Variants in HYDIN observed in about 807,000 individuals in gnomAD.
HYDIN encodes axonemal central pair apparatus protein HYDIN.
In HYDIN, 132 loss-of-function variants were observed where a neutral mutation model predicts 403.9. The ratio of observed to expected loss-of-function variants is 0.33; its 90% confidence interval spans 0.28 to 0.38. The LOEUF is 0.38. Ranked by LOEUF, HYDIN falls within the 10% of genes least tolerant of loss-of-function variation. The probability of loss-of-function intolerance (pLI) is 1.00; values close to 1 mark genes in which losing one functional copy is unlikely to be tolerated. For missense variants in HYDIN, 2,827 were observed against 5,009.5 expected, an observed-to-expected ratio of 0.56 and a Z score of 13.15; for synonymous variants, 1,202 against 1,891.7, an observed-to-expected ratio of 0.64 and a Z score of 9.46.
At chr16:70,917,368 T>C (rs1045854265) in intron 47 of HYDIN, among the ~76,000 whole-genome samples, 1 of 152,278 alleles carries the variant, frequency 6.6e-6, no homozygotes, top group Non-Finnish European at 1.5e-5. Context: ...CCTTGTAAAC[T>C]GAGGTTTGGG....
At chr16:71,229,621 G>T (rs2041191441) in intron 1 of HYDIN, among the ~76,000 whole-genome samples, 2 of 152,140 alleles carry the variant, frequency 1.3e-5, no homozygotes, top group African/African-American at 4.8e-5. Flanking sequence ...AAAGCAATAT[G>T]CTAAGTATAA....
intron 1 of HYDIN, among the ~76,000 whole-genome samples, chr16:71,223,898 C>G (rs1270187966): frequency 2.0e-5 from 3 of 152,048 alleles, no homozygotes; most frequent in African/African-American, 7.2e-5. Flanking sequence ...TTAGTACAAC[C>G]ACTAAAAGTA....
chr16:70,843,022 A>T (rs1010836391), intron 75 of HYDIN, among the ~76,000 whole-genome samples: 1 of 151,400 alleles, frequency 6.6e-6, no homozygotes, highest in Non-Finnish European at 1.5e-5. Context: ...TTTTTACATA[A>T]ATTTATTTAT....
intron 47 of HYDIN, among the ~76,000 whole-genome samples, chr16:70,910,659 T>A (rs1005623566): frequency 1.5e-5 from 2 of 136,208 alleles, no homozygotes; most frequent in Non-Finnish European, 3.1e-5. Context: ...CTTTAAGGAA[T>A]GTCCACATTG....
At chr16:70,820,003 G>C (rs1366341849) in intron 83 of HYDIN, among the ~76,000 whole-genome samples, 2 of 122,890 alleles carry the variant, frequency 1.6e-5, no homozygotes, top group African/African-American at 6.4e-5. Context: ...TGTATTTTTA[G>C]TAGAGACGGG....
chr16:71,106,351 C>T (rs2083615815), intron 10 of HYDIN, among the ~76,000 whole-genome samples: 2 of 148,596 alleles, frequency 1.3e-5, no homozygotes, highest in Non-Finnish European at 2.9e-5. Context: ...ACAAATACTT[C>T]AAGGGTCACT....
intron 70 of HYDIN, 46 bp downstream of exon 70, chr16:70,860,643 T>G: frequency 2.0e-6 from 1 of 498,744 alleles, no homozygotes; most frequent in Non-Finnish European, 3.4e-6. Flanking sequence ...TTTAGAGTTC[T>G]TTAGGACCGA....
intron 1 of HYDIN, among the ~76,000 whole-genome samples, chr16:71,190,831 C>A (rs1012817119): frequency 2.6e-5 from 4 of 152,162 alleles, no homozygotes; most frequent in African/African-American, 7.2e-5. Context: ...AAGCCTCCGA[C>A]CTACCAGCCC....
chr16:70,817,760 G>T (rs2035935652), intron 84 of HYDIN, among the ~76,000 whole-genome samples: 1 of 151,660 alleles, frequency 6.6e-6, no homozygotes, highest in Non-Finnish European at 1.5e-5. Context: ...ATATTATTTT[G>T]AGATAGAGTC....
intron 1 of HYDIN, among the ~76,000 whole-genome samples, chr16:71,222,072 T>C (rs2040830966): frequency 6.6e-6 from 1 of 152,212 alleles, no homozygotes; most frequent in East Asian, 1.9e-4. Context: ...ATGGCTCCAC[T>C]GGAGTCTTTC....
intron 83 of HYDIN, among the ~76,000 whole-genome samples, chr16:70,825,627 T>C (rs1176772294): frequency 7.1e-6 from 1 of 139,978 alleles, no homozygotes; most frequent in East Asian, 2.0e-4. Flanking sequence ...CAAGGCAGGG[T>C]AGCCATCACC....
chr16:70,834,889 TGTATATATATATACACACA>T (rs1177029526), intron 78 of HYDIN, among the ~76,000 whole-genome samples: 1 of 149,350 alleles, frequency 6.7e-6, no homozygotes, highest in African/African-American at 2.5e-5. Context: ...TGTGTGTGTG[TGTATATATATATACACACA>T]CACATATATA....
intron 73 of HYDIN, among the ~76,000 whole-genome samples, chr16:70,851,260 A>G (rs1036972442): frequency 2.0e-5 from 3 of 149,786 alleles, no homozygotes; most frequent in African/African-American, 7.4e-5. Flanking sequence ...CTGCATAGCA[A>G]AAGAAACTAC....
chr16:70,964,780 T>C lies in HYDIN; in HGVS notation c.5736A>G (p.Ser1912=). ...ATTTCGCCCTCATCTGCTCCTCTTT[T>C]GACTTCTTTATCTCTTTGAAGTACT... ...LYEYFKEIKK[S]KEEQMRAKYL... The change falls in exon 37 of 86, where the codon TCA becomes TCG. Residue 1912 remains serine (S), a synonymous_variant. Transcript: ENST00000393567. The C allele has an allele frequency of 2.5e-6, 4 of 1,584,844 alleles. No homozygotes were observed. Among genetic ancestry groups the C allele is most frequent in the East Asian group, 2.2e-5 (1 of 44,610 alleles).
chr16:71,006,731 G>A (rs1024426031), intron 23 of HYDIN, among the ~76,000 whole-genome samples: 10 of 151,780 alleles, frequency 6.6e-5, no homozygotes, highest in Non-Finnish European at 1.3e-4. Flanking sequence ...CAGCCCTCTA[G>A]GGGCAGCAGG....
At position 71,230,572 on chromosome 16, in the gene HYDIN, T is replaced by C; in HGVS notation, c.-34A>G. The C allele has an allele frequency of 6.5e-7, 1 of 1,535,490 alleles. No homozygotes were observed. The highest frequency in any genetic ancestry group is 8.7e-7 in the Non-Finnish European group (1 of 1,146,522). On this transcript the variant is annotated 5_prime_UTR_variant, in exon 1 of 86. Coordinates refer to ENST00000393567, the MANE Select transcript of HYDIN (RefSeq NM_001270974.2). Reference sequence around the variant, plus strand: ...GCGAGGACCTCTGACCTTGGTGCACTCCGGGTCCCACGTTTATTCTACCTC... The same window carrying C: ...GCGAGGACCTCTGACCTTGGTGCACCCCGGGTCCCACGTTTATTCTACCTC...
intron 10 of HYDIN, 66 bp from the exon 11 acceptor site, chr16:71,094,001 A>G: frequency 7.1e-7 from 1 of 1,414,038 alleles, no homozygotes. Context: ...ATGTTCCCTC[A>G]TGTACGTTAC....
intron 18 of HYDIN, among the ~76,000 whole-genome samples, chr16:71,046,552 A>G (rs1231859661): frequency 6.6e-6 from 1 of 152,128 alleles, no homozygotes; most frequent in African/African-American, 2.4e-5. Flanking sequence ...TGCAACTGAC[A>G]TTAAAAGAAG....
chr16:71,066,200 A>T (rs1179804513), intron 15 of HYDIN, among the ~76,000 whole-genome samples: 1 of 152,132 alleles, frequency 6.6e-6, no homozygotes, highest in Non-Finnish European at 1.5e-5. Context: ...TAGACAAGAA[A>T]TGCAGGACTA....
Sources: gnomAD v4.1 joint callset for allele counts (sites outside exome capture counted in the v4.1 genomes callset) on GRCh38, gnomAD v4.1.1 for gene constraint, MANE v1.5 for transcripts, NCBI Gene and HGNC (gene_info 2026-07-23, HGNC 2026-07-21) for gene names.